Variants in FHIT observed in about 807,000 individuals in gnomAD.
The protein encoded by FHIT is bis(5'-adenosyl)-triphosphatase.
Under a neutral mutation model 17.9 loss-of-function variants are expected in FHIT, and 19 were observed. The observed-to-expected ratio is 1.06, with a 90% CI of 0.74 to 1.56. FHIT has a LOEUF of 1.56. Among genes scored for constraint, FHIT ranks in the 40% most tolerant of loss-of-function variants. The pLI is 0.00. For synonymous variants in FHIT, 81 were observed against 69.7 expected (o/e 1.16, Z -0.81); for missense variants, 248 against 189.2 (o/e 1.31, Z -1.82).
intron 3 of FHIT, among the ~76,000 whole-genome samples, chr3:60,913,119 C>T (rs993517325): frequency 6.6e-6 from 1 of 152,152 alleles, no homozygotes; most frequent in Non-Finnish European, 1.5e-5. Context: ...AAACAGACAC[C>T]ATGCCTAAGG....
chr3:60,375,635 T>C (rs1576560972), intron 5 of FHIT, among the ~76,000 whole-genome samples: 1 of 152,116 alleles, frequency 6.6e-6, no homozygotes, highest in Non-Finnish European at 1.5e-5. Flanking sequence ...TACACATACA[T>C]AGAGGAGTAG....
In FHIT at chr3:60,114,545, G is replaced by C. The variant is rs368530494; in HGVS notation, c.104-100393C>G. On this transcript the variant is annotated intron_variant, in intron 5 of 9. Coordinates refer to ENST00000492590, the MANE Select transcript of FHIT (RefSeq NM_002012.4). ...AGGTCTCAGTCTGTTTCCCAGGCCT[G>C]AGTGAAGGTGCAATCTCAGCTCACT... Among the ~76,000 whole-genome samples the C allele has an allele frequency of 8.6e-5, 10 of 116,126 alleles. No individual in the cohort carries two copies. The South Asian group carries it at 2.6e-3, about 30-fold the overall frequency. 76.2% of individuals were successfully genotyped at this position (116,126 alleles called of 152,430 possible).
At chr3:61,049,424 A>G (rs1025004794) in intron 2 of FHIT, among the ~76,000 whole-genome samples, 6 of 152,058 alleles carry the variant, frequency 3.9e-5, no homozygotes, top group Non-Finnish European at 8.8e-5. Context: ...GCTATTTTGC[A>G]TCCCCTAATG....
intron 2 of FHIT, among the ~76,000 whole-genome samples, chr3:61,068,078 T>G (rs1383761894): frequency 6.6e-6 from 1 of 152,112 alleles, no homozygotes; most frequent in Non-Finnish European, 1.5e-5. Flanking sequence ...GCCTGAGAAT[T>G]TGCATTTCAG....
intron 5 of FHIT, among the ~76,000 whole-genome samples, chr3:60,533,677 C>T (rs1451833321): frequency 2.0e-5 from 3 of 151,976 alleles, no homozygotes; most frequent in African/African-American, 7.3e-5. Flanking sequence ...GGAGGAATCT[C>T]CAGTTGAGGT....
intron 5 of FHIT, among the ~76,000 whole-genome samples, chr3:60,309,588 A>G (rs1708846511): frequency 1.3e-5 from 2 of 152,134 alleles, no homozygotes; most frequent in African/African-American, 4.8e-5. Context: ...TCTACTGGAA[A>G]TAATATATAA....
chr3:60,628,452 A>G (rs532240502), intron 4 of FHIT, among the ~76,000 whole-genome samples: 2 of 152,318 alleles, frequency 1.3e-5, no homozygotes, highest in South Asian at 2.1e-4. Flanking sequence ...GTCTGCCTCA[A>G]TTGGCCTCAC....
chr3:60,148,237 A>G (rs910787420), intron 5 of FHIT, among the ~76,000 whole-genome samples: 1 of 152,208 alleles, frequency 6.6e-6, no homozygotes, highest in African/African-American at 2.4e-5. Flanking sequence ...CATATCAATA[A>G]ACCCTAGAGT....
intron 7 of FHIT, among the ~76,000 whole-genome samples, chr3:59,956,173 A>C (rs1707384640): frequency 6.6e-6 from 1 of 152,256 alleles, no homozygotes; most frequent in South Asian, 2.1e-4. Flanking sequence ...TTTAGTCAGC[A>C]AACTCTTCTT....
intron 4 of FHIT, among the ~76,000 whole-genome samples, chr3:60,761,668 C>G (rs1699663534): frequency 6.8e-6 from 1 of 146,602 alleles, no homozygotes; most frequent in African/African-American, 2.5e-5. Context: ...ACCAATGCTA[C>G]AGATGTCTCT....
At chr3:61,017,497 G>C (rs1474822167) in intron 3 of FHIT, among the ~76,000 whole-genome samples, 4 of 152,154 alleles carry the variant, frequency 2.6e-5, no homozygotes, top group African/African-American at 9.7e-5. Context: ...ATTAGGCCTT[G>C]TTTCAGGACA....
At chr3:60,044,089 C>G (rs764423009) in intron 5 of FHIT, among the ~76,000 whole-genome samples, 1 of 152,150 alleles carries the variant, frequency 6.6e-6, no homozygotes, top group Non-Finnish European at 1.5e-5. Context: ...TTGCCTTTGA[C>G]TTCTGCTGAA....
intron 5 of FHIT, among the ~76,000 whole-genome samples, chr3:60,432,533 G>C (rs1423529069): frequency 6.6e-6 from 1 of 152,038 alleles, no homozygotes; most frequent in Non-Finnish European, 1.5e-5. Context: ...TTAACACAGA[G>C]GTTCTTTTAA....
At chr3:61,198,893 G>A (rs111463917) in intron 2 of FHIT, among the ~76,000 whole-genome samples, 1,265 of 58,886 alleles carry the variant, frequency 0.021, 17 homozygotes, top group African/African-American at 0.063. Flanking sequence ...TGCTGCCGCC[G>A]CCGATGATGA....
intron 5 of FHIT, among the ~76,000 whole-genome samples, chr3:60,235,234 G>GTTTTTTTTTTTTTTTTTTTTTTTTTTT (rs11441829): frequency 7.0e-6 from 1 of 143,086 alleles, no homozygotes; most frequent in African/African-American, 2.6e-5. Context: ...TTTGTTTGTT[G>GTTTTTTTTTTTTTTTTTTTTTTTTTTT]TTTTTTTTTT....
At chr3:60,470,277 G>A (rs1336184677) in intron 5 of FHIT, among the ~76,000 whole-genome samples, 1 of 152,066 alleles carries the variant, frequency 6.6e-6, no homozygotes, top group Non-Finnish European at 1.5e-5. Context: ...ATCCTGCCAG[G>A]CTTGTGTCCT....
Position 59,858,779 on chromosome 3 carries a change from TG to T in FHIT, c.348+63566del, listed in dbSNP as rs561734797. On this transcript the variant is annotated intron_variant, in intron 8 of 9. Transcript: ENST00000492590. ...AAATGAGTATATATATTAAGGATAA[TG>T]GGAACCAAGTTTCTGTCAGAGAAGG... Among the ~76,000 whole-genome samples the T allele has an allele frequency of 2.8e-4, 43 of 152,030 alleles. No homozygotes were observed. The East Asian group carries it at 8.1e-3, about 29-fold the overall frequency.
chr3:60,399,347 G>A (rs1443668970), intron 5 of FHIT, among the ~76,000 whole-genome samples: 3 of 152,104 alleles, frequency 2.0e-5, no homozygotes, highest in Non-Finnish European at 4.4e-5. Flanking sequence ...TTCTCACAGT[G>A]TGTGAAGACT....
intron 3 of FHIT, among the ~76,000 whole-genome samples, chr3:60,936,351 C>G (rs1232810935): frequency 6.6e-6 from 1 of 152,114 alleles, no homozygotes; most frequent in Non-Finnish European, 1.5e-5. Flanking sequence ...GTTCTGAAAA[C>G]AGAGTAAATA....
Sources: gnomAD v4.1 joint callset for allele counts (sites outside exome capture counted in the v4.1 genomes callset) on GRCh38, gnomAD v4.1.1 for gene constraint, MANE v1.5 for transcripts, NCBI Gene and HGNC (gene_info 2026-07-23, HGNC 2026-07-21) for gene names.